Variants in HAO1 observed in about 807,000 individuals in gnomAD.
The protein encoded by HAO1 is hydroxyacid oxidase 1, also known as 2-Hydroxyacid oxidase 1.
A neutral mutation model predicts 39.7 loss-of-function variants in HAO1; 34 were observed. That is an observed-to-expected ratio of 0.86 (90% confidence interval 0.65 to 1.14). The LOEUF (loss-of-function observed/expected upper bound fraction) is 1.14, where lower values mean the gene tolerates loss of function less well. Ranked by LOEUF, HAO1 falls within the 50% of genes most tolerant of loss-of-function variation. HAO1 has a pLI of 0.00. For synonymous variants in HAO1, 172 were observed against 173.2 expected (o/e 0.99, Z 0.05); for missense variants, 479 against 464.5 (o/e 1.03, Z -0.29).
chr20:7,933,441 C>CT (rs201534111), intron 2 of HAO1, among the ~76,000 whole-genome samples: 2,727 of 151,360 alleles, frequency 0.018, 55 homozygotes, highest in Non-Finnish European at 0.024. Flanking sequence ...TAGTATTTCC[C>CT]TTTTTTTTTC....
intron 4 of HAO1, among the ~76,000 whole-genome samples, chr20:7,904,527 T>C (rs1276633349): frequency 1.3e-5 from 2 of 152,220 alleles, no homozygotes; most frequent in African/African-American, 2.4e-5. Flanking sequence ...CTTGATATCA[T>C]GGCAAAACTC....
chr20:7,886,908 C>T (rs1485882306), intron 5 of HAO1, among the ~76,000 whole-genome samples: 1 of 152,144 alleles, frequency 6.6e-6, no homozygotes, highest in Non-Finnish European at 1.5e-5. Flanking sequence ...AGACCATCCA[C>T]CAGGTATTGT....
rs869068490 is a variant in HAO1 at position 7,909,379 on chromosome 20, GTA to G, written c.546-3052_546-3051del. On this transcript the variant is annotated intron_variant, in intron 3 of 7. Transcript: ENST00000378789. ...TTATGACATATATATATATATATAT[GTA>G]TATATATATATATATATATATATGC... Among the ~76,000 whole-genome samples, 827 of 108,100 alleles carry G rather than the reference GTA, an allele frequency of 7.7e-3. 7 individuals carry two copies. The highest frequency in any genetic ancestry group is 0.021 in the Middle Eastern group (4 of 192). 70.9% of individuals were successfully genotyped at this position (108,100 alleles called of 152,430 possible).
chr20:7,904,794 A>G (rs1422925848), intron 4 of HAO1, among the ~76,000 whole-genome samples: 8 of 152,232 alleles, frequency 5.3e-5, no homozygotes, highest in African/African-American at 1.9e-4. Context: ...AAGAGAATGG[A>G]TGAATGAATA....
chr20:7,925,022 T>C (rs2250567), intron 2 of HAO1, among the ~76,000 whole-genome samples: 15,514 of 152,160 alleles, frequency 0.1, 818 homozygotes, highest in East Asian at 0.2. Flanking sequence ...ATAATGTCCA[T>C]TGAGTGTGTC....
At chr20:7,909,381 A>ATATATATATATATATATATATATATATG (rs2050265979) in intron 3 of HAO1, among the ~76,000 whole-genome samples, 15 of 72,946 alleles carry the variant, frequency 2.1e-4, no homozygotes, top group African/African-American at 8.2e-4. Flanking sequence ...ATATATATGT[A>ATATATATATATATATATATATATATATG]TATATATATA....
intron 2 of HAO1, among the ~76,000 whole-genome samples, chr20:7,925,402 T>C (rs755965340): frequency 2.0e-5 from 3 of 152,152 alleles, no homozygotes; most frequent in Non-Finnish European, 4.4e-5. Flanking sequence ...TCTTTTTTAC[T>C]TATGAAAATA....
chr20:7,908,754 G>T lies in HAO1; in HGVS notation c.546-2425C>A, dbSNP rs558544490. On this transcript the variant is annotated intron_variant, in intron 3 of 7. Coordinates refer to ENST00000378789, the MANE Select transcript of HAO1 (RefSeq NM_017545.3). ...GGTGGGGATTTTAGCTGAAATGCCTGGTCTTTCTTTTTATTTAAATCAAAC... is the reference window on the plus strand; with the variant it reads ...GGTGGGGATTTTAGCTGAAATGCCTTGTCTTTCTTTTTATTTAAATCAAAC... Among the ~76,000 whole-genome samples, 6 of 152,088 alleles carry T rather than the reference G, an allele frequency of 3.9e-5. No homozygotes were observed. The East Asian group carries it at 1.2e-3, about 30-fold the overall frequency.
At chr20:7,912,058 G>A (rs953235931) in intron 3 of HAO1, among the ~76,000 whole-genome samples, 4 of 152,294 alleles carry the variant, frequency 2.6e-5, no homozygotes, top group African/African-American at 2.4e-5. Context: ...ACCCAGCTGC[G>A]GGGTGTTTCC....
chr20:7,903,904 A>G (rs940001369), intron 4 of HAO1, among the ~76,000 whole-genome samples: 4 of 149,648 alleles, frequency 2.7e-5, no homozygotes, highest in Admixed American at 6.6e-5. Context: ...TGGTGGTGGC[A>G]GTGGTCCTAG....
At chr20:7,921,747 A>C (rs549056306) in intron 2 of HAO1, among the ~76,000 whole-genome samples, 15 of 152,290 alleles carry the variant, frequency 9.8e-5, no homozygotes, top group Admixed American at 9.2e-4. Context: ...AATGTGGTAC[A>C]TATCCACCAT....
intron 1 of HAO1, among the ~76,000 whole-genome samples, chr20:7,937,698 G>C (rs75939509): frequency 0.012 from 1,769 of 152,206 alleles, 46 homozygotes; most frequent in African/African-American, 0.04. Flanking sequence ...AGTTGAGAAG[G>C]CTACTTTGAA....
chr20:7,921,775 T>C (rs1339282694), intron 2 of HAO1, among the ~76,000 whole-genome samples: 2 of 152,088 alleles, frequency 1.3e-5, no homozygotes, highest in Non-Finnish European at 2.9e-5. Context: ...TATGTAGCCA[T>C]AAAAAATAAC....
intron 3 of HAO1, among the ~76,000 whole-genome samples, chr20:7,907,378 G>A (rs992985249): frequency 2.0e-5 from 3 of 152,170 alleles, no homozygotes; most frequent in East Asian, 3.9e-4. Flanking sequence ...CCGCTAGGTA[G>A]ACTAACTCTG....
At chr20:7,917,886 A>G (rs1296209689) in intron 2 of HAO1, among the ~76,000 whole-genome samples, 4 of 152,218 alleles carry the variant, frequency 2.6e-5, no homozygotes, top group Non-Finnish European at 4.4e-5. Context: ...CAGGAAATGT[A>G]AGCCCTTCAC....
chr20:7,919,547 C>A (rs745573434), intron 2 of HAO1, among the ~76,000 whole-genome samples: 12 of 152,280 alleles, frequency 7.9e-5, no homozygotes, highest in Middle Eastern at 3.4e-3. Context: ...TTCAGAACAA[C>A]AACAGGGTAG....
chr20:7,906,130 A>G, intron 4 of HAO1, 24 bp downstream of exon 4: 1 of 1,526,100 alleles, frequency 6.6e-7, no homozygotes, highest in East Asian at 2.3e-5. Context: ...GTCAGTATGA[A>G]TTCAAGTAGA....
At chr20:7,903,877 G>T (rs957145784) in intron 4 of HAO1, among the ~76,000 whole-genome samples, 1 of 147,706 alleles carries the variant, frequency 6.8e-6, no homozygotes, top group Non-Finnish European at 1.5e-5. Flanking sequence ...TGGTGGTGGT[G>T]GTGGTGGTGG....
intron 2 of HAO1, among the ~76,000 whole-genome samples, chr20:7,916,398 C>T (rs2050307253): frequency 6.6e-6 from 1 of 152,182 alleles, no homozygotes; most frequent in South Asian, 2.1e-4. Flanking sequence ...CCAAATGACA[C>T]TCACAGGATG....
Sources: allele counts gnomAD v4.1 joint callset (sites outside exome capture counted in the v4.1 genomes callset), GRCh38; gene constraint gnomAD v4.1.1; transcripts MANE v1.5; gene names NCBI Gene and HGNC (gene_info 2026-07-23, HGNC 2026-07-21).